Variants in CCDC192 observed in about 807,000 individuals in gnomAD.
CCDC192 encodes coiled-coil domain containing 192.
chr5:127,827,963 G>A (rs984941464), intron 5 of CCDC192, among the ~76,000 whole-genome samples: 1 of 152,102 alleles, frequency 6.6e-6, no homozygotes, highest in Non-Finnish European at 1.5e-5. Flanking sequence ...CTGGAGTGCA[G>A]TGGCGCGATC....
chr5:127,847,473 T>TATTTA (rs1185943133), intron 5 of CCDC192, among the ~76,000 whole-genome samples: 3 of 152,198 alleles, frequency 2.0e-5, no homozygotes, highest in Non-Finnish European at 4.4e-5. Context: ...TTAAACCCAG[T>TATTTA]ATGTCCATAT....
At position 127,936,888 on chromosome 5, in the gene CCDC192, A is replaced by T. The variant is rs76966158; in HGVS notation, c.536-4294A>T. On this transcript the variant is annotated intron_variant, in intron 6 of 6. Transcript: ENST00000514853. ...GAAGTGTGGGACATGTAGAGCTGTC[A>T]GGACTTTGGGGACACACATCACTTC... 8.8e-3 allele frequency among the ~76,000 whole-genome samples: 1,346 copies of T among 152,298 alleles called. 12 individuals are homozygous for T. Among genetic ancestry groups the T allele is most frequent in the African/African-American group, 0.03 (1,255 of 41,578 alleles).
At chr5:127,718,381 T>A (rs915420831) in intron 2 of CCDC192, among the ~76,000 whole-genome samples, 2 of 152,202 alleles carry the variant, frequency 1.3e-5, no homozygotes, top group African/African-American at 2.4e-5. Context: ...TCTGAGTGTC[T>A]CCAGATTTGT....
chr5:127,911,699 C>CTTTTTTT (rs10718531), intron 6 of CCDC192, among the ~76,000 whole-genome samples: 1 of 117,340 alleles, frequency 8.5e-6, no homozygotes, highest in Admixed American at 9.0e-5. Flanking sequence ...CCTTATACCA[C>CTTTTTTT]TTTTTTTTTT....
chr5:127,757,648 G>T (rs1440669901), intron 3 of CCDC192, among the ~76,000 whole-genome samples: 1 of 151,758 alleles, frequency 6.6e-6, no homozygotes, highest in East Asian at 2.0e-4. Context: ...GAATATTTCA[G>T]AATAGAACAC....
intron 2 of CCDC192, among the ~76,000 whole-genome samples, chr5:127,746,883 G>A (rs1338926426): frequency 2.6e-5 from 4 of 152,024 alleles, no homozygotes; most frequent in Admixed American, 2.6e-4. Flanking sequence ...AAGGTTCAAT[G>A]TATAGTATGA....
chr5:127,770,472 C>T (rs1161934148), intron 3 of CCDC192, among the ~76,000 whole-genome samples: 1 of 152,228 alleles, frequency 6.6e-6, no homozygotes, highest in Non-Finnish European at 1.5e-5. Context: ...TACCTCCACT[C>T]ACTGCACTGC....
chr5:127,755,217 A>G (rs1483524152), intron 3 of CCDC192, among the ~76,000 whole-genome samples: 2 of 152,158 alleles, frequency 1.3e-5, no homozygotes, highest in Admixed American at 6.5e-5. Flanking sequence ...AGATAAAAGT[A>G]TATTTTAGAT....
chr5:127,841,720 C>G (rs781596722), intron 5 of CCDC192, among the ~76,000 whole-genome samples: 1 of 152,116 alleles, frequency 6.6e-6, no homozygotes, highest in South Asian at 2.1e-4. Flanking sequence ...ACGGAGTTGT[C>G]CAACGTGTGT....
intron 3 of CCDC192, among the ~76,000 whole-genome samples, chr5:127,795,370 A>G (rs1031057856): frequency 6.6e-6 from 1 of 151,818 alleles, no homozygotes; most frequent in East Asian, 1.9e-4. Flanking sequence ...TAGAAGAGGT[A>G]GAAGAATAAT....
At chr5:127,818,746 A>T (rs1749145656) in intron 5 of CCDC192, among the ~76,000 whole-genome samples, 2 of 152,260 alleles carry the variant, frequency 1.3e-5, no homozygotes, top group South Asian at 4.2e-4. Context: ...GGAGTGATCT[A>T]GGCAGAGGAA....
chr5:127,832,389 T>G (rs1035656111), intron 5 of CCDC192, among the ~76,000 whole-genome samples: 2 of 152,198 alleles, frequency 1.3e-5, no homozygotes, highest in African/African-American at 4.8e-5. Flanking sequence ...CTTCTGTGTA[T>G]GTAACCTGAA....
intron 3 of CCDC192, among the ~76,000 whole-genome samples, chr5:127,792,572 G>A (rs1756929642): frequency 6.7e-6 from 1 of 150,184 alleles, no homozygotes; most frequent in Admixed American, 6.6e-5. Flanking sequence ...TGGATGTGGT[G>A]GTGTGCAGCT....
chr5:127,751,353 T>G (rs574358260), intron 2 of CCDC192, among the ~76,000 whole-genome samples: 88 of 152,134 alleles, frequency 5.8e-4, no homozygotes, highest in African/African-American at 2.0e-3. Context: ...GTAAAGTATT[T>G]TATTTCTCCT....
intron 5 of CCDC192, among the ~76,000 whole-genome samples, chr5:127,829,490 A>G (rs1038002656): frequency 2.6e-5 from 4 of 152,200 alleles, no homozygotes; most frequent in African/African-American, 9.7e-5. Flanking sequence ...TTTATTTTTA[A>G]CATTATTCCT....
intron 2 of CCDC192, among the ~76,000 whole-genome samples, chr5:127,751,537 T>G (rs1178089617): frequency 6.6e-6 from 1 of 152,176 alleles, no homozygotes; most frequent in Non-Finnish European, 1.5e-5. Context: ...TCTCTCTGGC[T>G]GCCCTTAACA....
chr5:127,814,737 C>T (rs1758280242), intron 5 of CCDC192, among the ~76,000 whole-genome samples: 1 of 152,110 alleles, frequency 6.6e-6, no homozygotes, highest in African/African-American at 2.4e-5. Context: ...AATGACTTTC[C>T]AGCAAAGCAA....
chr5:127,744,843 G>C (rs1561461319), intron 2 of CCDC192, among the ~76,000 whole-genome samples: 1 of 152,102 alleles, frequency 6.6e-6, no homozygotes, highest in African/African-American at 2.4e-5. Context: ...GCATTTACCT[G>C]CTTTACCTCA....
At chr5:127,740,736 A>C (rs370511465) in intron 2 of CCDC192, among the ~76,000 whole-genome samples, 12 of 152,208 alleles carry the variant, frequency 7.9e-5, no homozygotes, top group African/African-American at 2.7e-4. Flanking sequence ...TTTATACAAC[A>C]AAACTAATTT....
Sources: allele counts gnomAD v4.1 joint callset (sites outside exome capture counted in the v4.1 genomes callset), GRCh38; gene constraint gnomAD v4.1.1; transcripts MANE v1.5; gene names NCBI Gene and HGNC (gene_info 2026-07-23, HGNC 2026-07-21).